CUX1: variants seen among roughly 807,000 people sequenced by gnomAD.
CUX1 encodes cut like homeobox 1.
In CUX1, 31 loss-of-function variants were observed where a neutral mutation model predicts 158.8. That is an observed-to-expected ratio of 0.20 (90% CI 0.15 to 0.26). The LOEUF (loss-of-function observed/expected upper bound fraction) is 0.26, where lower values mean the gene tolerates loss of function less well. CUX1 is among the 10% of genes least tolerant of loss of function. The pLI is 1.00. For synonymous variants in CUX1, 879 were observed against 862.1 expected (o/e 1.02, Z -0.34); for missense variants, 1,589 against 2,014.6 (o/e 0.79, Z 4.04).
intron 1 of CUX1, among the ~76,000 whole-genome samples, chr7:101,899,640 G>A (rs911795969): frequency 6.6e-6 from 1 of 152,218 alleles, no homozygotes; most frequent in Non-Finnish European, 1.5e-5. Flanking sequence ...AACAGGTGGT[G>A]TCATTTTGCT....
intron 12 of CUX1, among the ~76,000 whole-genome samples, chr7:102,192,485 C>A (rs1327285772): frequency 6.6e-6 from 1 of 152,130 alleles, no homozygotes; most frequent in African/African-American, 2.4e-5. Context: ...TCTTTTATTA[C>A]ATAATCCTAA....
At chr7:102,073,948 C>T (rs1055481809) in intron 4 of CUX1, among the ~76,000 whole-genome samples, 1 of 152,168 alleles carries the variant, frequency 6.6e-6, no homozygotes, top group African/African-American at 2.4e-5. Context: ...CCCTTTCACC[C>T]ACCGCTTCCC....
chr7:101,956,684 C>A (rs915696559), intron 2 of CUX1, among the ~76,000 whole-genome samples: 13 of 152,248 alleles, frequency 8.5e-5, no homozygotes, highest in Non-Finnish European at 1.9e-4. Context: ...CAGTGGCTCA[C>A]GCCTATAATC....
intron 2 of CUX1, among the ~76,000 whole-genome samples, chr7:101,982,066 A>G (rs764186330): frequency 1.2e-4 from 19 of 152,258 alleles, no homozygotes; most frequent in Non-Finnish European, 2.4e-4. Flanking sequence ...AGGTTGTCCA[A>G]GTCGATCTTG....
chr7:102,279,361 A>G (rs1360452673), intron 18 of CUX1, among the ~76,000 whole-genome samples: 2 of 152,244 alleles, frequency 1.3e-5, no homozygotes, highest in Admixed American at 1.3e-4. Flanking sequence ...ATAAGCAATA[A>G]TAAAAAATGT....
intron 3 of CUX1, among the ~76,000 whole-genome samples, chr7:102,049,587 C>T (rs1823240889): frequency 6.6e-6 from 1 of 152,016 alleles, no homozygotes; most frequent in Non-Finnish European, 1.5e-5. Context: ...CCTGTAATCC[C>T]AGGTGTGATG....
intron 12 of CUX1, among the ~76,000 whole-genome samples, chr7:102,191,348 C>T (rs1233848677): frequency 6.6e-6 from 1 of 152,208 alleles, no homozygotes; most frequent in Non-Finnish European, 1.5e-5. Context: ...ATTCTCCTGC[C>T]TCAGCCTCAC....
chr7:101,885,555 T>C (rs1183832206), intron 1 of CUX1, among the ~76,000 whole-genome samples: 2 of 152,060 alleles, frequency 1.3e-5, no homozygotes, highest in South Asian at 2.1e-4. Flanking sequence ...CGAGACCCTG[T>C]CCCAAAAAAT....
At chr7:102,234,365 C>A in intron 22 of CUX1, 125 bp downstream of exon 22, 2 of 884,478 alleles carry the variant, frequency 2.3e-6, no homozygotes, top group Non-Finnish European at 3.1e-6. Flanking sequence ...GAGGACAGGG[C>A]AAAAATATTT....
At chr7:102,047,461 T>G in intron 3 of CUX1, among the ~76,000 whole-genome samples, 1 of 146,392 alleles carries the variant, frequency 6.8e-6, no homozygotes, top group Non-Finnish European at 1.5e-5. Context: ...GGATGGGTGA[T>G]AGGATAGAGC....
intron 1 of CUX1, among the ~76,000 whole-genome samples, chr7:101,861,959 C>G (rs1233760033): frequency 1.3e-5 from 2 of 152,052 alleles, no homozygotes; most frequent in Non-Finnish European, 2.9e-5. Context: ...CTCAGCCTCC[C>G]ACGTAGCTGG....
intron 1 of CUX1, among the ~76,000 whole-genome samples, chr7:101,821,671 C>CTTTTTTTTTT (rs58793343): frequency 0.034 from 1,766 of 51,330 alleles, 231 homozygotes; most frequent in Middle Eastern, 0.053. Context: ...TTTCTTTTTT[C>CTTTTTTTTTT]TTTTTTTTTT....
chr7:102,123,349 C>T (rs1246366734), intron 8 of CUX1, among the ~76,000 whole-genome samples: 2 of 151,990 alleles, frequency 1.3e-5, no homozygotes, highest in African/African-American at 4.8e-5. Context: ...GTGGCTCATG[C>T]CTGTAATCCC....
In CUX1 at chr7:102,248,412, G is replaced by A. The variant is rs1172047744; in HGVS notation, c.3888G>A (p.Arg1296=). The part of the protein sequence containing the change: ...STVINWFHNY[R]SRIRRELFIE... ...GTCCCCGCCGCTTGTTGTCTTGTAG[G>A]TCTCGGATCCGCAGAGAACTGTTCA... Residue 1296 remains arginine, a splice_region_variant and synonymous_variant, in exon 24 of 24, where the codon AGG becomes AGA. Transcript: ENST00000292535. This position sits in a 1 kb window ranked among gnomAD's most constrained non-coding sequence, Gnocchi z 5.8. The A allele has an allele frequency of 3.1e-6, 5 of 1,590,674 alleles. No individual in the cohort carries two copies. The highest frequency in any genetic ancestry group is 4.3e-6 in the Non-Finnish European group (5 of 1,173,764).
intron 11 of CUX1, among the ~76,000 whole-genome samples, chr7:102,189,036 C>T (rs1011086476): frequency 1.3e-5 from 2 of 152,048 alleles, no homozygotes; most frequent in African/African-American, 4.8e-5. Flanking sequence ...ACCAAGCACT[C>T]GACTGAACAG....
chr7:101,821,165 C>G (rs570415639), intron 1 of CUX1, among the ~76,000 whole-genome samples: 1 of 152,232 alleles, frequency 6.6e-6, no homozygotes, highest in Non-Finnish European at 1.5e-5. Flanking sequence ...TGATTTCTGA[C>G]TTGATGAACC....
At chr7:101,997,227 G>GT (rs1302940155) in intron 2 of CUX1, among the ~76,000 whole-genome samples, 2 of 152,232 alleles carry the variant, frequency 1.3e-5, no homozygotes, top group Non-Finnish European at 2.9e-5. Flanking sequence ...AAGCGGTAGT[G>GT]TGGGCCTCCC....
chr7:101,997,075 C>G (rs202153), intron 2 of CUX1, among the ~76,000 whole-genome samples: 1 of 151,660 alleles, frequency 6.6e-6, no homozygotes, highest in Admixed American at 6.6e-5. Context: ...CCATCAGGGC[C>G]TGCCCATGGG....
chr7:102,129,098 C>T (rs1554496339), intron 8 of CUX1, among the ~76,000 whole-genome samples: 6 of 152,188 alleles, frequency 3.9e-5, no homozygotes, highest in Non-Finnish European at 4.4e-5. Context: ...TTAAAAAGGT[C>T]TGCTTACCTC....
Sources: gnomAD v4.1 joint callset for allele counts (sites outside exome capture counted in the v4.1 genomes callset) on GRCh38, gnomAD v4.1.1 for gene constraint, Gnocchi (gnomAD v3.1) non-coding constraint, MANE v1.5 for transcripts, NCBI Gene and HGNC (gene_info 2026-07-23, HGNC 2026-07-21) for gene names.